The following EML5 variants were observed in gnomAD, a reference collection of about 807,000 sequenced individuals.
The protein encoded by EML5 is EMAP like 5.
EML5 carries 120 observed loss-of-function variants against 250.0 expected under a neutral mutation model. The observed-to-expected ratio is 0.48, with a 90% CI of 0.41 to 0.56. The LOEUF (loss-of-function observed/expected upper bound fraction) is 0.56. Ranked by LOEUF, EML5 falls within the 20% of genes least tolerant of loss-of-function variation. The probability of loss-of-function intolerance (pLI) is 0.00; values close to 1 mark genes in which losing one functional copy is unlikely to be tolerated. For synonymous variants in EML5, 771 were observed against 806.5 expected (o/e 0.96, Z 0.75); for missense variants, 2,006 against 2,437.6 (o/e 0.82, Z 3.73).
chr14:88,639,589 G>GT (rs1407084535), intron 31 of EML5, among the ~76,000 whole-genome samples: 7 of 151,982 alleles, frequency 4.6e-5, no homozygotes, highest in South Asian at 2.1e-4. Flanking sequence ...ATCTGTTTTT[G>GT]TTTTTTTGAG....
chr14:88,664,692 G>C lies in EML5; in HGVS notation c.3278-68C>G. ...AATACTTTTTTACACTCTGCAACTA[G>C]AGTTAATTTTCCTTTTCTTTATGGA... On this transcript the variant is annotated intron_variant, in intron 22 of 43. Coordinates refer to ENST00000554922, the MANE Select transcript of EML5 (RefSeq NM_183387.3). 4.0e-6 allele frequency: 6 copies of C among 1,489,856 alleles called. No homozygotes were observed. The South Asian group carries it at 5.2e-5, about 13-fold the overall frequency. 92.3% of individuals were successfully genotyped at this position (1,489,856 alleles called of 1,614,324 possible). A position where few individuals can be genotyped will look rare whatever the true frequency, so the allele number is the denominator to read the frequency against.
intron 29 of EML5, among the ~76,000 whole-genome samples, chr14:88,646,386 A>T (rs1449369055): frequency 6.6e-6 from 1 of 152,186 alleles, no homozygotes; most frequent in African/African-American, 2.4e-5. Flanking sequence ...AACCTTCTTC[A>T]TATACTTTTT....
At chr14:88,788,132 A>G (rs2094569557) in intron 1 of EML5, among the ~76,000 whole-genome samples, 1 of 152,216 alleles carries the variant, frequency 6.6e-6, no homozygotes. Context: ...GTAGGTTTCC[A>G]GTAATTCCTA....
chr14:88,668,731 G>A (rs148533727), intron 21 of EML5, among the ~76,000 whole-genome samples: 118 of 152,262 alleles, frequency 7.7e-4, no homozygotes, highest in South Asian at 3.3e-3. Flanking sequence ...CATAAAGCAG[G>A]TAGAAAGTTG....
intron 4 of EML5, among the ~76,000 whole-genome samples, chr14:88,742,644 T>C (rs1031324808): frequency 5.9e-5 from 9 of 152,186 alleles, no homozygotes; most frequent in African/African-American, 2.2e-4. Context: ...AAGCACTTAA[T>C]ATATATCAAG....
Position 88,620,651 on chromosome 14 carries a change from C to A in EML5, c.5375+103G>T. On this transcript the variant is annotated intron_variant, in intron 39 of 43. Coordinates refer to ENST00000554922, the MANE Select transcript of EML5 (RefSeq NM_183387.3). The surrounding 1 kb of genome is among the most constrained non-coding windows in gnomAD (Gnocchi z 4.3). ...ACAATTTATAATACGGGAAATGCTA[C>A]AGGCCCTGGGGACCTCTTTTTGAAG... is the stretch of plus-strand genomic sequence containing the variant. 1.1e-6 allele frequency: 1 copy of A among 894,512 alleles called. No homozygotes were observed. The allele number at this position is 894,512 out of a possible 1,614,324, so 55.4% of individuals were successfully genotyped here. A position where few individuals can be genotyped will look rare whatever the true frequency, so the allele number is the denominator to read the frequency against.
chr14:88,725,813 G>A (rs1016563959), intron 8 of EML5, among the ~76,000 whole-genome samples: 4 of 152,144 alleles, frequency 2.6e-5, no homozygotes, highest in Non-Finnish European at 5.9e-5. Flanking sequence ...GGTGAGAATA[G>A]AAGGAAGGAG....
intron 6 of EML5, among the ~76,000 whole-genome samples, chr14:88,737,953 G>C (rs1414530429): frequency 6.6e-6 from 1 of 152,026 alleles, no homozygotes; most frequent in Admixed American, 6.6e-5. Flanking sequence ...ATTAAAAAGA[G>C]AGAATTTTAC....
At chr14:88,761,396 T>C (rs1022478537) in intron 1 of EML5, among the ~76,000 whole-genome samples, 4 of 152,164 alleles carry the variant, frequency 2.6e-5, no homozygotes, top group African/African-American at 9.7e-5. Flanking sequence ...TTCTTCTCCC[T>C]GTGCCCATAT....
chr14:88,717,284 C>T (rs1317207710), intron 8 of EML5, among the ~76,000 whole-genome samples: 5 of 152,182 alleles, frequency 3.3e-5, no homozygotes, highest in African/African-American at 1.2e-4. Flanking sequence ...TCAAGTTCAG[C>T]TTGTGACGGC....
At chr14:88,725,947 C>A (rs765960566) in intron 8 of EML5, among the ~76,000 whole-genome samples, 1 of 152,102 alleles carries the variant, frequency 6.6e-6, no homozygotes, top group African/African-American at 2.4e-5. Context: ...AGGATCTTAC[C>A]GTTCACTGAG....
intron 23 of EML5, among the ~76,000 whole-genome samples, chr14:88,664,116 A>G (rs1467598497): frequency 6.6e-6 from 1 of 151,554 alleles, no homozygotes; most frequent in African/African-American, 2.4e-5. Context: ...TGTCTGTACA[A>G]AACATTTAAA....
intron 1 of EML5, among the ~76,000 whole-genome samples, chr14:88,785,632 CTTTCT>C (rs2094543857): frequency 6.6e-6 from 1 of 152,182 alleles, no homozygotes; most frequent in Admixed American, 6.5e-5. Flanking sequence ...CATCACTGAC[CTTTCT>C]TTTCTCTCAC....
chr14:88,732,033 G>T (rs2093767430), intron 7 of EML5, among the ~76,000 whole-genome samples: 1 of 152,056 alleles, frequency 6.6e-6, no homozygotes, highest in Non-Finnish European at 1.5e-5. Flanking sequence ...CACTCTGATG[G>T]TAGTTTCTTT....
At chr14:88,751,964 T>C (rs2094103163) in intron 2 of EML5, among the ~76,000 whole-genome samples, 1 of 152,046 alleles carries the variant, frequency 6.6e-6, no homozygotes, top group Non-Finnish European at 1.5e-5. Context: ...TTCCAAAGGG[T>C]TGTTGGGAGG....
intron 3 of EML5, among the ~76,000 whole-genome samples, chr14:88,744,934 T>A (rs939481626): frequency 6.6e-6 from 1 of 152,052 alleles, no homozygotes; most frequent in Non-Finnish European, 1.5e-5. Context: ...CAGTTAATAT[T>A]TAACAACTCA....
chr14:88,672,888 G>A (rs142124300), intron 21 of EML5, among the ~76,000 whole-genome samples: 2 of 152,208 alleles, frequency 1.3e-5, no homozygotes, highest in East Asian at 3.9e-4. Flanking sequence ...AATTTAGGCA[G>A]TAATAAATAG....
At chr14:88,740,998 G>C (rs371231776) in intron 4 of EML5, among the ~76,000 whole-genome samples, 1 of 151,864 alleles carries the variant, frequency 6.6e-6, no homozygotes, top group Admixed American at 6.6e-5. Context: ...TCCCATCTCT[G>C]CTAAAAATAC....
At chr14:88,766,758 G>A (rs7145378) in intron 1 of EML5, among the ~76,000 whole-genome samples, 26,694 of 151,958 alleles carry the variant, frequency 0.18, 2,904 homozygotes, top group East Asian at 0.47. Context: ...CAGTTTTGCA[G>A]CTTGAGGGGC....
Sources: gnomAD v4.1 joint callset for allele counts (sites outside exome capture counted in the v4.1 genomes callset) on GRCh38, gnomAD v4.1.1 for gene constraint, Gnocchi (gnomAD v3.1) non-coding constraint, MANE v1.5 for transcripts, NCBI Gene and HGNC (gene_info 2026-07-23, HGNC 2026-07-21) for gene names.